EBF3: variants seen among roughly 807,000 people sequenced by gnomAD.
The protein encoded by EBF3 is EBF transcription factor 3.
Under a neutral mutation model 77.1 loss-of-function variants are expected in EBF3, and 18 were observed. The observed-to-expected ratio is 0.23, with a 90% CI of 0.16 to 0.35. EBF3 has a LOEUF of 0.35. Among genes scored for constraint, EBF3 ranks in the 10% least tolerant of loss-of-function variants. The pLI, the probability that EBF3 is intolerant of heterozygous loss-of-function variation, is 1.00. For missense variants in EBF3, 558 were observed against 860.0 expected, an observed-to-expected ratio of 0.65 and a Z score of 4.39; for synonymous variants, 350 against 343.5, an observed-to-expected ratio of 1.02 and a Z score of -0.21.
At chr10:129,936,716 G>A (rs1407276524) in intron 6 of EBF3, among the ~76,000 whole-genome samples, 1 of 148,516 alleles carries the variant, frequency 6.7e-6, no homozygotes, top group Non-Finnish European at 1.5e-5. Context: ...ACCCTCAGCT[G>A]TGTGGGGACC....
At chr10:129,936,178 A>C (rs946326617) in intron 6 of EBF3, among the ~76,000 whole-genome samples, 2 of 152,192 alleles carry the variant, frequency 1.3e-5, no homozygotes, top group South Asian at 2.1e-4. Flanking sequence ...GACAGTTATA[A>C]AGTCCCCTCC....
At chr10:129,922,763 G>A (rs1468814186) in intron 6 of EBF3, among the ~76,000 whole-genome samples, 1 of 152,216 alleles carries the variant, frequency 6.6e-6, no homozygotes, top group East Asian at 1.9e-4. Context: ...TGTGGGGCTG[G>A]GGGCTGACGG....
chr10:129,910,524 A>C (rs1855455041), intron 6 of EBF3, among the ~76,000 whole-genome samples: 1 of 152,098 alleles, frequency 6.6e-6, no homozygotes, highest in Non-Finnish European at 1.5e-5. Context: ...CCCCCACCAC[A>C]GTTTGGCAGA....
intron 11 of EBF3, among the ~76,000 whole-genome samples, chr10:129,843,760 T>G (rs769905191): frequency 1.2e-4 from 18 of 152,226 alleles, no homozygotes; most frequent in Non-Finnish European, 2.4e-4. Flanking sequence ...TTAACTTGGG[T>G]TAATCTAGTT....
intron 6 of EBF3, among the ~76,000 whole-genome samples, chr10:129,953,053 G>GAAGAAGA (rs1320738449): frequency 1.3e-5 from 2 of 149,496 alleles, no homozygotes; most frequent in Non-Finnish European, 3.0e-5. Flanking sequence ...AAAAGAAGAA[G>GAAGAAGA]AAGAAGAAAG....
At position 129,943,085 on chromosome 10, in the gene EBF3, C is replaced by T. The variant is rs774081689; in HGVS notation, c.554+14173G>A. ...TCCATTCTAAACCACTTTGCCTGCACGATGGGAATGACTGGATCACTCCAC... is the reference window on the plus strand; with the variant it reads ...TCCATTCTAAACCACTTTGCCTGCATGATGGGAATGACTGGATCACTCCAC... On this transcript the variant is annotated intron_variant, in intron 6 of 16. Coordinates refer to ENST00000440978, the MANE Select transcript of EBF3 (RefSeq NM_001375380.1). The surrounding 1 kb of genome is among the most constrained non-coding windows in gnomAD (Gnocchi z 8.8). Among the ~76,000 whole-genome samples the T allele has an allele frequency of 6.6e-6, 1 of 152,220 alleles. No individual in the cohort carries two copies. The highest frequency in any genetic ancestry group is 1.5e-5 in the Non-Finnish European group (1 of 68,040).
chr10:129,877,916 GAC>G (rs770616100), intron 6 of EBF3, 67 bp from the exon 7 acceptor site: 11 of 1,317,218 alleles, frequency 8.4e-6, no homozygotes, highest in Non-Finnish European at 1.2e-5. Flanking sequence ...CTTTTTAAAA[GAC>G]ACTCTTGCGC....
intron 6 of EBF3, among the ~76,000 whole-genome samples, chr10:129,884,065 T>G (rs910245916): frequency 2.0e-5 from 3 of 152,164 alleles, no homozygotes. Context: ...AATTAAAAGA[T>G]AGAGCCTTTA....
chr10:129,894,315 A>C (rs1854220541), intron 6 of EBF3, among the ~76,000 whole-genome samples: 1 of 152,254 alleles, frequency 6.6e-6, no homozygotes, highest in Non-Finnish European at 1.5e-5. Context: ...CCATAAATGA[A>C]GGGGGTTCTA....
At chr10:129,949,213 A>C (rs1233891164) in intron 6 of EBF3, among the ~76,000 whole-genome samples, 1 of 152,252 alleles carries the variant, frequency 6.6e-6, no homozygotes, top group Non-Finnish European at 1.5e-5. Context: ...AGGCAGGAGA[A>C]TCACTTGAAC....
chr10:129,877,413 G>A (rs914364379), intron 7 of EBF3, among the ~76,000 whole-genome samples: 6 of 150,498 alleles, frequency 4.0e-5, no homozygotes, highest in African/African-American at 1.5e-4. Flanking sequence ...CCTGGGAGGC[G>A]GAGGTTGTAG....
chr10:129,940,088 AC>A (rs1857627884), intron 6 of EBF3, among the ~76,000 whole-genome samples: 1 of 152,206 alleles, frequency 6.6e-6, no homozygotes, highest in African/African-American at 2.4e-5. Context: ...GCGTGAGCTC[AC>A]CTGTGGGTCA....
chr10:129,903,903 C>T (rs1490081095), intron 6 of EBF3, among the ~76,000 whole-genome samples: 1 of 152,152 alleles, frequency 6.6e-6, no homozygotes, highest in Non-Finnish European at 1.5e-5. Flanking sequence ...AATGATCAGC[C>T]AGTGAAGTCC....
intron 4 of EBF3, 105 bp from the exon 5 acceptor site, chr10:129,959,112 C>T: frequency 1.5e-6 from 2 of 1,374,308 alleles, no homozygotes; most frequent in Non-Finnish European, 2.0e-6. Flanking sequence ...GCACCACGCT[C>T]GAGGGGAGGC....
chr10:129,873,033 T>C (rs1336485528), intron 8 of EBF3, among the ~76,000 whole-genome samples: 1 of 151,994 alleles, frequency 6.6e-6, no homozygotes, highest in East Asian at 1.9e-4. Context: ...GCACACGCAC[T>C]CCAGCCAGGG....
At chr10:129,904,091 C>T (rs2134256903) in intron 6 of EBF3, among the ~76,000 whole-genome samples, 1 of 152,268 alleles carries the variant, frequency 6.6e-6, no homozygotes, top group East Asian at 1.9e-4. Context: ...AGGCAGTTTC[C>T]TTTTTTCCTA....
chr10:129,888,056 C>T (rs943741049), intron 6 of EBF3, among the ~76,000 whole-genome samples: 1 of 152,180 alleles, frequency 6.6e-6, no homozygotes, highest in African/African-American at 2.4e-5. Context: ...ACCTTCTCTT[C>T]GTGAGAAAAG....
In EBF3 at chr10:129,963,120, C is replaced by G. The variant is rs778943690; in HGVS notation, c.292-115G>C. The G allele has an allele frequency of 1.7e-4, 228 of 1,369,944 alleles. No homozygotes were observed. The Middle Eastern group carries it at 2.9e-3, about 17-fold the overall frequency. 84.9% of individuals were successfully genotyped at this position (1,369,944 alleles called of 1,614,324 possible). On this transcript the variant is annotated intron_variant, in intron 2 of 16. Transcript: ENST00000440978. This position sits in a 1 kb window ranked among gnomAD's most constrained non-coding sequence, Gnocchi z 7.1. ...GCCTCACACATGGCAGGATTCCTAG[C>G]TCGAAGCAGCGCGGTGATGTCACTT... is the stretch of plus-strand genomic sequence containing the variant.
chr10:129,908,660 G>C (rs1855309799), intron 6 of EBF3, among the ~76,000 whole-genome samples: 1 of 152,250 alleles, frequency 6.6e-6, no homozygotes, highest in Non-Finnish European at 1.5e-5. Flanking sequence ...CCGCGTTGCA[G>C]TTCGTTAGTG....
Sources: gnomAD v4.1 joint callset for allele counts (sites outside exome capture counted in the v4.1 genomes callset) on GRCh38, gnomAD v4.1.1 for gene constraint, Gnocchi (gnomAD v3.1) non-coding constraint, MANE v1.5 for transcripts, NCBI Gene and HGNC (gene_info 2026-07-23, HGNC 2026-07-21) for gene names.